NFIA: variants seen among roughly 807,000 people sequenced by gnomAD.
The protein encoded by NFIA is nuclear factor I A.
NFIA carries 8 observed loss-of-function variants against 62.8 expected under a neutral mutation model. That is an observed-to-expected ratio of 0.13 (90% confidence interval 0.07 to 0.23). The LOEUF (loss-of-function observed/expected upper bound fraction) is 0.23, where lower values mean the gene tolerates loss of function less well. Ranked by LOEUF, NFIA falls within the 10% of genes least tolerant of loss-of-function variation. The probability of loss-of-function intolerance (pLI) is 1.00; values close to 1 mark genes in which losing one functional copy is unlikely to be tolerated. For missense variants in NFIA, 410 were observed against 642.1 expected, an observed-to-expected ratio of 0.64 and a Z score of 3.91; for synonymous variants, 235 against 238.1, an observed-to-expected ratio of 0.99 and a Z score of 0.12.
chr1:61,081,852 T>G (rs1646099439), upstream of NFIA: 2 of 1,533,232 alleles, frequency 1.3e-6, no homozygotes. Context: ...AAAGCTTCGC[T>G]GGAGAGATTA....
chr1:61,190,685 T>G (rs1277394615), intron 2 of NFIA, among the ~76,000 whole-genome samples: 2 of 152,248 alleles, frequency 1.3e-5, no homozygotes, highest in Non-Finnish European at 2.9e-5. Flanking sequence ...GACCTGTAGT[T>G]ACACAGTTTC....
chr1:61,249,307 TA>T (rs1480011516), intron 2 of NFIA, among the ~76,000 whole-genome samples: 1 of 152,146 alleles, frequency 6.6e-6, no homozygotes, highest in African/African-American at 2.4e-5. Flanking sequence ...CAGAAGGAAA[TA>T]ATTTCTACAA....
At chr1:61,081,878 T>TA, upstream of NFIA, 1 of 1,542,874 alleles carries the variant, frequency 6.5e-7, no homozygotes, top group Non-Finnish European at 8.7e-7. Context: ...CTTTGAGCCT[T>TA]ACCGCATTTC....
At chr1:61,250,766 G>GT (rs1655977148) in intron 2 of NFIA, among the ~76,000 whole-genome samples, 1 of 152,130 alleles carries the variant, frequency 6.6e-6, no homozygotes, top group African/African-American at 2.4e-5. Context: ...CATAGCTCGA[G>GT]TTTTTTCTTA....
intron 2 of NFIA, among the ~76,000 whole-genome samples, chr1:61,163,471 G>A (rs1649355406): frequency 6.6e-6 from 1 of 152,074 alleles, no homozygotes; most frequent in African/African-American, 2.4e-5. Flanking sequence ...CATGGTATTT[G>A]TAAAGCATTC....
chr1:61,439,538 A>T (rs1667485615), intron 10 of NFIA: 1 of 152,134 alleles, frequency 6.6e-6, no homozygotes, highest in South Asian at 2.1e-4. Flanking sequence ...TCCTCTCCCT[A>T]TCTCGCTGCT....
intron 2 of NFIA, among the ~76,000 whole-genome samples, chr1:61,182,809 T>C (rs1452003846): frequency 6.6e-6 from 1 of 152,240 alleles, no homozygotes; most frequent in Admixed American, 6.5e-5. Flanking sequence ...AGGGAAAAGT[T>C]TAATTATTGT....
At chr1:61,340,409 T>C (rs1661837254) in intron 4 of NFIA, among the ~76,000 whole-genome samples, 1 of 152,230 alleles carries the variant, frequency 6.6e-6, no homozygotes, top group Non-Finnish European at 1.5e-5. Context: ...CTTTGGGCAA[T>C]ATTTAACCCC....
chr1:61,325,685 A>G (rs1184309616), intron 3 of NFIA, among the ~76,000 whole-genome samples: 2 of 152,048 alleles, frequency 1.3e-5, no homozygotes, highest in Non-Finnish European at 2.9e-5. Flanking sequence ...TTGGGAGGCC[A>G]AGGCAGGCGG....
At chr1:61,358,287 TG>T (rs1663070266) in intron 5 of NFIA, among the ~76,000 whole-genome samples, 1 of 151,884 alleles carries the variant, frequency 6.6e-6, no homozygotes, top group Admixed American at 6.6e-5. Flanking sequence ...AATGTTTTTT[TG>T]AATGAACAAC....
At chr1:61,108,331 A>T (rs1646639494) in intron 2 of NFIA, among the ~76,000 whole-genome samples, 1 of 151,616 alleles carries the variant, frequency 6.6e-6, no homozygotes, top group Non-Finnish European at 1.5e-5. Context: ...ATTTTTCACC[A>T]GGTTTTGAAC....
intron 10 of NFIA, among the ~76,000 whole-genome samples, chr1:61,434,031 A>G (rs1667221458): frequency 6.6e-6 from 1 of 152,182 alleles, no homozygotes. Flanking sequence ...CATCAACCTT[A>G]CAGGTGCCCA....
intron 2 of NFIA, among the ~76,000 whole-genome samples, chr1:61,148,781 G>A (rs1234450692): frequency 6.6e-6 from 1 of 152,200 alleles, no homozygotes; most frequent in East Asian, 1.9e-4. Flanking sequence ...GAAGATGAAG[G>A]AAAACTATTG....
At chr1:61,231,428 C>T (rs926550547) in intron 2 of NFIA, among the ~76,000 whole-genome samples, 2 of 152,020 alleles carry the variant, frequency 1.3e-5, no homozygotes, top group African/African-American at 4.8e-5. Flanking sequence ...AGATGTTATG[C>T]CTAGATTAAT....
Position 61,277,537 on chromosome 1 carries a change from A to G in NFIA, c.577A>G (p.Ser193Gly). The change falls in exon 3 of 11, where the codon AGT (serine) becomes GGT (glycine). Residue 193 changes from serine (S) to glycine (G), a missense_variant. Coordinates refer to ENST00000403491, the MANE Select transcript of NFIA (RefSeq NM_001134673.4). ...VHAADSSQSE[S>G]PSQPSDADIK... is the part of the protein sequence containing the mutation. ...TTTTTCAGATTCAAGTCAATCTGAA[A>G]GTCCCAGCCAGCCAAGTGACGCTGA... The G allele has an allele frequency of 6.2e-7, 1 of 1,613,870 alleles. No homozygotes were observed. Among genetic ancestry groups the G allele is most frequent in the Non-Finnish European group, 8.5e-7 (1 of 1,179,848 alleles).
intron 2 of NFIA, among the ~76,000 whole-genome samples, chr1:61,146,930 G>A (rs1156316000): frequency 1.3e-5 from 2 of 152,152 alleles, no homozygotes; most frequent in African/African-American, 4.8e-5. Flanking sequence ...TTGGGTTCAG[G>A]AAGGACTGGT....
intron 2 of NFIA, among the ~76,000 whole-genome samples, chr1:61,224,685 A>G (rs1029197896): frequency 2.9e-4 from 44 of 152,172 alleles, no homozygotes; most frequent in African/African-American, 1.1e-3. Flanking sequence ...TCTGTCTCAG[A>G]AGCAGTGATA....
In NFIA at chr1:61,369,795, T is replaced by C. The variant is rs1455655879; in HGVS notation, c.946+10521T>C. Among the ~76,000 whole-genome samples, 3 of 152,064 alleles carry C rather than the reference T, an allele frequency of 2.0e-5. No homozygotes were observed. The East Asian group carries it at 5.8e-4, about 29-fold the overall frequency. On this transcript the variant is annotated intron_variant, in intron 6 of 10. Transcript: ENST00000403491. Reference sequence around the variant, plus strand: ...CTATATGCACACATATATAAATATATATGTGTGCATACATATACATTCATT... The same window carrying C: ...CTATATGCACACATATATAAATATACATGTGTGCATACATATACATTCATT...
chr1:61,342,066 C>T (rs1661950716), intron 4 of NFIA, among the ~76,000 whole-genome samples: 1 of 152,018 alleles, frequency 6.6e-6, no homozygotes, highest in African/African-American at 2.4e-5. Context: ...CAAAACCACA[C>T]ATAGGTCAAA....
Sources: allele counts gnomAD v4.1 joint callset (sites outside exome capture counted in the v4.1 genomes callset), GRCh38; gene constraint gnomAD v4.1.1; transcripts MANE v1.5; gene names NCBI Gene and HGNC (gene_info 2026-07-23, HGNC 2026-07-21).